DAG1: variants seen among roughly 807,000 people sequenced by gnomAD.
The protein encoded by DAG1 is dystroglycan 1 (dystrophin-associated glycoprotein 1).
In DAG1, 8 loss-of-function variants were observed where a neutral mutation model predicts 46.1. The ratio of observed to expected loss-of-function variants is 0.17; its 90% CI spans 0.10 to 0.31. DAG1 has a LOEUF of 0.31. DAG1 is among the 10% of genes least tolerant of loss of function. DAG1 has a pLI of 1.00. For synonymous variants in DAG1, 495 were observed against 481.8 expected (o/e 1.03, Z -0.36); for missense variants, 1,003 against 1,189.9 (o/e 0.84, Z 2.31).
At chr3:49,483,841 A>G (rs561896832) in intron 1 of DAG1, among the ~76,000 whole-genome samples, 1 of 151,886 alleles carries the variant, frequency 6.6e-6, no homozygotes, top group East Asian at 2.0e-4. Flanking sequence ...TGCCCAGCTA[A>G]TTTTTAAATT....
At chr3:49,478,971 G>T (rs995401260) in intron 1 of DAG1, among the ~76,000 whole-genome samples, 1 of 151,142 alleles carries the variant, frequency 6.6e-6, no homozygotes, top group Non-Finnish European at 1.5e-5. Flanking sequence ...CCACCATCAC[G>T]CCGAGCTAAG....
At chr3:49,479,728 C>T (rs1189104770) in intron 1 of DAG1, among the ~76,000 whole-genome samples, 2 of 143,008 alleles carry the variant, frequency 1.4e-5, no homozygotes, top group Non-Finnish European at 3.0e-5. Flanking sequence ...ACCTCCGCCT[C>T]CTGGGTTCAA....
chr3:49,492,019 C>T lies in DAG1; in HGVS notation c.-116-18400C>T, dbSNP rs150690392. On this transcript the variant is annotated intron_variant, in intron 1 of 2. Coordinates refer to ENST00000308775, the MANE Select transcript of DAG1 (RefSeq NM_004393.6). Reference sequence around the variant, plus strand: ...TCGGCTCCCTGCGACCTCTGCCTCCCGGGTTCAAGCAATTCTTCTGCCTCA... The same window carrying T: ...TCGGCTCCCTGCGACCTCTGCCTCCTGGGTTCAAGCAATTCTTCTGCCTCA... Among the ~76,000 whole-genome samples the T allele has an allele frequency of 7.8e-4, 117 of 150,828 alleles. 1 individual carries two copies. In the East Asian group the frequency reaches 0.016, roughly 20 times the overall value.
intron 1 of DAG1, among the ~76,000 whole-genome samples, chr3:49,481,248 T>C (rs2049873033): frequency 6.8e-6 from 1 of 147,194 alleles, no homozygotes; most frequent in African/African-American, 2.5e-5. Flanking sequence ...AAAAAAAAAA[T>C]TAGCCGGGCG....
chr3:49,508,628 G>T (rs1214068330), intron 1 of DAG1, among the ~76,000 whole-genome samples: 1 of 152,174 alleles, frequency 6.6e-6, no homozygotes, highest in South Asian at 2.1e-4. Flanking sequence ...TTGAACTCCT[G>T]ACGTCAGGTG....
intron 2 of DAG1, among the ~76,000 whole-genome samples, chr3:49,521,455 G>A (rs557566037): frequency 5.9e-5 from 9 of 152,208 alleles, no homozygotes; most frequent in African/African-American, 2.2e-4. Context: ...GTGAGCCACT[G>A]CGCCCGGCCG....
At chr3:49,480,757 G>GTTT (rs770596207) in intron 1 of DAG1, among the ~76,000 whole-genome samples, 59 of 113,102 alleles carry the variant, frequency 5.2e-4, no homozygotes, top group Non-Finnish European at 7.5e-4. Context: ...TCTGCATAAA[G>GTTT]TTTTTTTTTT....
intron 2 of DAG1, among the ~76,000 whole-genome samples, chr3:49,516,106 C>A (rs1417215479): frequency 3.3e-5 from 5 of 152,218 alleles, no homozygotes. Context: ...CCATATCTTT[C>A]AGGCTCAACT....
At chr3:49,488,668 T>G (rs535525853) in intron 1 of DAG1, 1 of 152,030 alleles carries the variant, frequency 6.6e-6, no homozygotes, top group Non-Finnish European at 1.5e-5. Context: ...AGTGGCGCGG[T>G]CTTGGCTCAC....
intron 1 of DAG1, among the ~76,000 whole-genome samples, chr3:49,499,614 G>A (rs1479275317): frequency 1.3e-5 from 2 of 152,150 alleles, no homozygotes; most frequent in Non-Finnish European, 2.9e-5. Context: ...AGCCTGAGTG[G>A]AACAGAGCCG....
chr3:49,470,147 GCGCGCGGACAGCCAGTCGGCGC>G (rs1559541395), upstream of DAG1: 1 of 151,282 alleles, frequency 6.6e-6, no homozygotes, highest in Non-Finnish European at 1.5e-5. Context: ...GAAGCCGGCG[GCGCGCGGACAGCCAGTCGGCGC>G]CGCGCGGAGC....
At chr3:49,528,055 C>T (rs1575406938) in intron 2 of DAG1, among the ~76,000 whole-genome samples, 2 of 152,220 alleles carry the variant, frequency 1.3e-5, no homozygotes, top group South Asian at 4.1e-4. Context: ...ACCTACTCTC[C>T]ACCTCTCAGG....
intron 1 of DAG1, among the ~76,000 whole-genome samples, chr3:49,472,176 AG>A (rs1165110246): frequency 6.6e-6 from 1 of 152,016 alleles, no homozygotes; most frequent in Non-Finnish European, 1.5e-5. Flanking sequence ...TTGCTGGTGG[AG>A]TGGCAGGAAG....
chr3:49,490,909 G>A (rs574829736), intron 1 of DAG1, among the ~76,000 whole-genome samples: 6 of 133,402 alleles, frequency 4.5e-5, no homozygotes, highest in South Asian at 2.4e-4. Context: ...TTTTTGAGAC[G>A]GAGTCTCACT....
intron 1 of DAG1, among the ~76,000 whole-genome samples, chr3:49,494,057 T>G (rs1343621145): frequency 6.6e-6 from 1 of 152,198 alleles, no homozygotes; most frequent in African/African-American, 2.4e-5. Context: ...GAAGGAATTC[T>G]GTTAGCAGGA....
chr3:49,510,935 C>T, intron 2 of DAG1, 116 bp downstream of exon 2: 2 of 1,539,456 alleles, frequency 1.3e-6, no homozygotes, highest in Non-Finnish European at 1.7e-6. Flanking sequence ...TCTTCCAGTA[C>T]CCCCTTAGAA....
chr3:49,469,276 C>A (rs1480956796), upstream of DAG1, among the ~76,000 whole-genome samples: 1 of 152,168 alleles, frequency 6.6e-6, no homozygotes, highest in African/African-American at 2.4e-5. Context: ...GGGAATGGAC[C>A]CATCCTGCGC....
At chr3:49,530,621 C>CAG in intron 2 of DAG1, among the ~76,000 whole-genome samples, 176 bp from the exon 3 acceptor site, 1 of 152,138 alleles carries the variant, frequency 6.6e-6, no homozygotes, top group Admixed American at 6.5e-5. Flanking sequence ...TAGCCCTAGT[C>CAG]TTGTGACAGG....
rs1259389754 is a variant in DAG1, at chr3:49,532,574, C to T, written c.2063C>T (p.Pro688Leu). 3.1e-6 allele frequency: 5 copies of T among 1,612,346 alleles called. No homozygotes were observed. The highest frequency in any genetic ancestry group is 4.2e-6 in the Non-Finnish European group (5 of 1,178,592). ...SRRIAEDDGKPRPAFSNALEP... is the reference protein window; with the variant it reads ...SRRIAEDDGKLRPAFSNALEP... ...CGGATCGCTGAGGATGATGGAAAAC[C>T]TCGGCCTGCCTTCTCCAACGCCCTA... The change falls in exon 3 of 3, where the codon CCT becomes CTT. Residue 688 changes from proline to leucine, a missense_variant. By Grantham distance (98) the Pro-to-Leu change is moderately conservative. Coordinates refer to ENST00000308775, the MANE Select transcript of DAG1 (RefSeq NM_004393.6). This position sits in a 1 kb window ranked among gnomAD's most constrained non-coding sequence, Gnocchi z 5.4.
Sources: gnomAD v4.1 joint callset for allele counts (sites outside exome capture counted in the v4.1 genomes callset) on GRCh38, gnomAD v4.1.1 for gene constraint, Gnocchi (gnomAD v3.1) non-coding constraint, MANE v1.5 for transcripts, NCBI Gene and HGNC (gene_info 2026-07-23, HGNC 2026-07-21) for gene names.